The following MCRIP2 variants were observed in gnomAD, a reference collection of about 807,000 sequenced individuals.
MCRIP2 encodes the protein MAPK regulated co-repressor interacting protein 2.
A neutral mutation model predicts 23.2 loss-of-function variants in MCRIP2; 21 were observed. That is an observed-to-expected ratio of 0.90 (90% CI 0.64 to 1.30). The LOEUF (loss-of-function observed/expected upper bound fraction) is 1.30. MCRIP2 is among the 50% of genes most tolerant of loss of function. The pLI, the probability that MCRIP2 is intolerant of heterozygous loss-of-function variation, is 0.00. For synonymous variants in MCRIP2, 121 were observed against 100.2 expected, an observed-to-expected ratio of 1.21 and a Z score of -1.24; for missense variants, 234 against 223.2, an observed-to-expected ratio of 1.05 and a Z score of -0.31.
Position 648,346 on chromosome 16 carries a change from C to A in MCRIP2, c.*156C>A, listed in dbSNP as rs766394413. The A allele has an allele frequency of 3.8e-6, 3 of 781,804 alleles. No individual in the cohort carries two copies. The highest frequency in any genetic ancestry group is 4.3e-5 in the Admixed American group (2 of 46,246). 48.4% of individuals were successfully genotyped at this position (781,804 alleles called of 1,614,324 possible). A position where few individuals can be genotyped will look rare whatever the true frequency, so the allele number is the denominator to read the frequency against. On this transcript the variant is annotated 3_prime_UTR_variant, in exon 5 of 5. Transcript: ENST00000307650. ...TTTTTTTCCCTTGGCCCGGCTGTCC[C>A]AACCAAGCTGCCATGGCCAAGGGCC...
intron 2 of MCRIP2, chr16:647,116 T>C (rs904322548): frequency 2.6e-5 from 11 of 415,982 alleles, no homozygotes; most frequent in Non-Finnish European, 4.8e-5. Context: ...CGGGGAGGGG[T>C]ACTGAGTGGG....
intron 2 of MCRIP2, chr16:645,529 T>A (rs1393381188): frequency 6.6e-6 from 1 of 152,332 alleles, no homozygotes; most frequent in African/African-American, 2.4e-5. Context: ...AGTGCTGGGA[T>A]TACAGGCATG....
intron 4 of MCRIP2, 103 bp downstream of exon 4, chr16:647,987 C>G: frequency 8.4e-7 from 1 of 1,188,712 alleles, no homozygotes; most frequent in Admixed American, 2.2e-5. Context: ...GGAGGGGACT[C>G]TTGTGCAGAA....
chr16:648,185 TC>T lies in MCRIP2; in HGVS notation c.480del (p.Ter161SerfsTer65), dbSNP rs751642560. ...GTTCCTGGCGAGAATCACCAGCTGT[TC>T]CTAGTGGCTGCTGGGAGGGGGCGCT... is the stretch of plus-strand genomic sequence containing the variant. Reference protein sequence around the residue: ...QQFLARITSCS With the variant: ...QQFLARITSCX On this transcript the variant is annotated frameshift_variant, in exon 5 of 5. Transcript: ENST00000307650. LOFTEE classifies it high-confidence loss of function. 7 of 1,609,350 alleles carry T rather than the reference TC, an allele frequency of 4.3e-6. No individual in the cohort carries two copies. The highest frequency in any genetic ancestry group is 4.2e-6 in the Non-Finnish European group (5 of 1,178,320).
intron 2 of MCRIP2, among the ~76,000 whole-genome samples, chr16:644,926 TGACA>T (rs2037439068): frequency 6.6e-6 from 1 of 152,080 alleles, no homozygotes; most frequent in South Asian, 2.1e-4. Context: ...CCCACGACAG[TGACA>T]GACCAGATAA....
chr16:647,283 T>A, intron 2 of MCRIP2, 134 bp from the exon 3 acceptor site: 1 of 1,315,044 alleles, frequency 7.6e-7, no homozygotes, highest in East Asian at 2.4e-5. Context: ...GTGGCTGCTC[T>A]CTCTGGTTCA....
In MCRIP2 at chr16:647,480, C is replaced by G; in HGVS notation, c.246C>G (p.Ser82=). Residue 82 remains serine, a synonymous_variant, in exon 3 of 5, where the codon TCC becomes TCG. Coordinates refer to ENST00000307650, the MANE Select transcript of MCRIP2 (RefSeq NM_138418.4). ...NGRRAPSTSP[S]FEGTQETYTV... is the part of the protein sequence containing the mutation. ...GGCGGGCCCCCTCCACGTCCCCATC[C>G]TTCGAGGGGACCCAGGAGACCTACA... 1.2e-6 allele frequency: 2 copies of G among 1,605,988 alleles called. No homozygotes were observed. The highest frequency in any genetic ancestry group is 1.7e-6 in the Non-Finnish European group (2 of 1,177,000).
chr16:644,897 G>T (rs908246578), intron 2 of MCRIP2, among the ~76,000 whole-genome samples: 4 of 152,058 alleles, frequency 2.6e-5, no homozygotes, highest in Non-Finnish European at 2.9e-5. Context: ...GTTCCTGCCA[G>T]GCATGGGTCT....
Position 647,794 on chromosome 16 carries a change from G to T in MCRIP2, c.322G>T (p.Val108Leu). The part of the protein sequence containing the change: ...VRFVSEAWQQ[V>L]QQQLDGGPAG... ...CCCTCCTCCCACAGCCTGGCAGCAG[G>T]TGCAACAGCAGCTGGATGGTGGCCC... Residue 108 changes from valine to leucine, a missense_variant, in exon 4 of 5, where the codon GTG becomes TTG. By Grantham distance (32) the Val-to-Leu change is conservative (BLOSUM62 1). Coordinates refer to ENST00000307650, the MANE Select transcript of MCRIP2 (RefSeq NM_138418.4). The T allele has an allele frequency of 6.4e-7, 1 of 1,567,164 alleles. No homozygotes were observed. The highest frequency in any genetic ancestry group is 1.2e-5 in the South Asian group (1 of 85,462).
In MCRIP2 at chr16:641,856, G is replaced by C. The variant is rs1335347211; in HGVS notation, c.-136G>C. The C allele has an allele frequency of 2.6e-5, 20 of 773,330 alleles. No homozygotes were observed. Among genetic ancestry groups the C allele is most frequent in the Non-Finnish European group, 3.5e-5 (20 of 575,382 alleles). 47.9% of individuals were successfully genotyped at this position (773,330 alleles called of 1,614,324 possible). A position where few individuals can be genotyped will look rare whatever the true frequency, so the allele number is the denominator to read the frequency against. ...GCGTGTCCGGGGTCAGCCCGAGCCC[G>C]TGCGGGCCCTTTAAGGGCCGGGGGC... On this transcript the variant is annotated 5_prime_UTR_variant, in exon 1 of 5. Coordinates refer to ENST00000307650, the MANE Select transcript of MCRIP2 (RefSeq NM_138418.4).
Position 641,973 on chromosome 16 carries a change from G to C in MCRIP2, c.-19G>C. 9 of 1,310,438 alleles carry C rather than the reference G, an allele frequency of 6.9e-6. No homozygotes were observed. Among genetic ancestry groups the C allele is most frequent in the South Asian group, 2.1e-5 (1 of 48,008 alleles). 81.2% of individuals were successfully genotyped at this position (1,310,438 alleles called of 1,614,324 possible). A position where few individuals can be genotyped will look rare whatever the true frequency, so the allele number is the denominator to read the frequency against. ...CCGGATCTGGCCGGGGGCCGGCGGC[G>C]GTGTGGGAGCGGCGCGTCATGTACA... is the stretch of plus-strand genomic sequence containing the variant. On this transcript the variant is annotated 5_prime_UTR_variant, in exon 1 of 5. Coordinates refer to ENST00000307650, the MANE Select transcript of MCRIP2 (RefSeq NM_138418.4).
chr16:642,429 C>G (rs2037371968), intron 2 of MCRIP2, 180 bp downstream of exon 2: 1 of 456,086 alleles, frequency 2.2e-6, no homozygotes, highest in Non-Finnish European at 3.1e-6. Context: ...CGCGGGCCTG[C>G]GCCTCGCACT....
Position 641,937 on chromosome 16 carries a change from C to A in MCRIP2, c.-55C>A. ...CCCGCAGTCCGTTAAGTGCGAGCCC[C>A]GGCGCAGGGGCCGGATCTGGCCGGG... On this transcript the variant is annotated 5_prime_UTR_variant, in exon 1 of 5. Transcript: ENST00000307650. 7.8e-7 allele frequency: 1 copy of A among 1,275,342 alleles called. No individual in the cohort carries two copies. Among genetic ancestry groups the A allele is most frequent in the Non-Finnish European group, 9.9e-7 (1 of 1,011,862 alleles). The allele number at this position is 1,275,342 out of a possible 1,614,324, so 79.0% of individuals were successfully genotyped here.
rs113595460 is a variant in MCRIP2 at position 644,022 on chromosome 16, TG to T, written c.182+1776del. The stretch of plus-strand genomic sequence containing the variant: ...CAGCGCTGGGAGCTTCTGGCAGCAG[TG>T]GGATCTCTGCATGAAGCCCCCATCC... On this transcript the variant is annotated intron_variant, in intron 2 of 4. Transcript: ENST00000307650. Among the ~76,000 whole-genome samples, 5 of 152,132 alleles carry T rather than the reference TG, an allele frequency of 3.3e-5. 1 individual carries two copies. The highest frequency in any genetic ancestry group is 1.2e-4 in the African/African-American group (5 of 41,506).
In MCRIP2 at chr16:646,827, C is replaced by G. The variant is rs2037494765; in HGVS notation, c.183-590C>G. The G allele has an allele frequency of 6.5e-6, 1 of 154,238 alleles. No individual in the cohort carries two copies. Among genetic ancestry groups the G allele is most frequent in the African/African-American group, 2.4e-5 (1 of 41,472 alleles). 9.6% of individuals were successfully genotyped at this position (154,238 alleles called of 1,614,324 possible). A position where few individuals can be genotyped will look rare whatever the true frequency, so the allele number is the denominator to read the frequency against. On this transcript the variant is annotated intron_variant, in intron 2 of 4. Transcript: ENST00000307650. This position sits in a 1 kb window ranked among gnomAD's most constrained non-coding sequence, Gnocchi z 6.5. The stretch of plus-strand genomic sequence containing the variant: ...GAGGGTTATAGTCACTCTCCCGACT[C>G]AGGGACTGCCCATCCCGGCACCCAG...
chr16:646,988 A>G lies in MCRIP2; in HGVS notation c.183-429A>G. ...TGGGGCGAGAATGTGGCCTAGAACT[A>G]CACCCAGAGTGGGGGGGTTGGGGCA... On this transcript the variant is annotated intron_variant, in intron 2 of 4. Transcript: ENST00000307650. This position sits in a 1 kb window ranked among gnomAD's most constrained non-coding sequence, Gnocchi z 6.5. The G allele has an allele frequency of 5.2e-6, 1 of 191,992 alleles. No individual in the cohort carries two copies. The highest frequency in any genetic ancestry group is 1.0e-4 in the South Asian group (1 of 9,868). 11.9% of individuals were successfully genotyped at this position (191,992 alleles called of 1,614,324 possible).
intron 2 of MCRIP2, among the ~76,000 whole-genome samples, chr16:644,379 C>G (rs1205578367): frequency 3.3e-5 from 5 of 151,970 alleles, no homozygotes; most frequent in African/African-American, 1.2e-4. Flanking sequence ...CCGTGCTTGG[C>G]CAACCACCTT....
chr16:645,279 C>CA (rs2037452392), intron 2 of MCRIP2: 1 of 149,828 alleles, frequency 6.7e-6, no homozygotes, highest in Admixed American at 6.7e-5. Flanking sequence ...GTTTTTGAGA[C>CA]AGAGTCTTGC....
intron 2 of MCRIP2, chr16:643,054 G>A (rs2037390699): frequency 6.6e-6 from 1 of 152,520 alleles, no homozygotes; most frequent in African/African-American, 2.4e-5. Context: ...GGGGGGTGCC[G>A]AGCCACCCTC....
Sources: gnomAD v4.1 joint callset for allele counts (sites outside exome capture counted in the v4.1 genomes callset) on GRCh38, gnomAD v4.1.1 for gene constraint, Gnocchi (gnomAD v3.1) non-coding constraint, MANE v1.5 for transcripts, NCBI Gene and HGNC (gene_info 2026-07-23, HGNC 2026-07-21) for gene names.